Variants in PPP1R9A observed in about 807,000 individuals in gnomAD.
PPP1R9A encodes neurabin-1.
Under a neutral mutation model 141.9 loss-of-function variants are expected in PPP1R9A, and 59 were observed. The ratio of observed to expected loss-of-function variants is 0.42; its 90% CI spans 0.34 to 0.52. The LOEUF (loss-of-function observed/expected upper bound fraction) is 0.52. Ranked by LOEUF, PPP1R9A falls within the 20% of genes least tolerant of loss-of-function variation. The pLI is 0.10. For synonymous variants in PPP1R9A, 500 were observed against 569.7 expected, an observed-to-expected ratio of 0.88 and a Z score of 1.74; for missense variants, 1,444 against 1,611.9, an observed-to-expected ratio of 0.90 and a Z score of 1.78.
At chr7:95,153,107 C>T (rs1359334078) in intron 4 of PPP1R9A, among the ~76,000 whole-genome samples, 2 of 152,130 alleles carry the variant, frequency 1.3e-5, no homozygotes, top group Admixed American at 1.3e-4. Context: ...ACCTCAGCCT[C>T]CCAAAATGCT....
Position 95,290,971 on chromosome 7 carries a change from A to G in PPP1R9A, c.*668A>G, listed in dbSNP as rs1373041428. ...TATTTGTTAACCACTGAAAAAAGCAAAAGCCTTAAGAATGTGGATGTGGGT... is the reference window on the plus strand; with the variant it reads ...TATTTGTTAACCACTGAAAAAAGCAGAAGCCTTAAGAATGTGGATGTGGGT... On this transcript the variant is annotated 3_prime_UTR_variant, in exon 20 of 20. Transcript: ENST00000433360. 1 of 152,348 alleles carries G rather than the reference A, an allele frequency of 6.6e-6. No individual in the cohort carries two copies. The highest frequency in any genetic ancestry group is 2.4e-5 in the African/African-American group (1 of 41,460). The allele number at this position is 152,348 out of a possible 1,614,324, so 9.4% of individuals were successfully genotyped here.
intron 4 of PPP1R9A, among the ~76,000 whole-genome samples, chr7:95,147,404 A>C (rs916186014): frequency 3.9e-5 from 6 of 152,154 alleles, no homozygotes; most frequent in African/African-American, 1.4e-4. Flanking sequence ...GACTGAGATG[A>C]TGGGGTTTTC....
intron 12 of PPP1R9A, among the ~76,000 whole-genome samples, chr7:95,254,134 C>T (rs1799262904): frequency 1.3e-5 from 2 of 152,132 alleles, no homozygotes; most frequent in Non-Finnish European, 2.9e-5. Context: ...ACTGTTGGTT[C>T]ACAGTGAGAT....
At chr7:95,182,456 T>C (rs1202702299) in intron 5 of PPP1R9A, among the ~76,000 whole-genome samples, 1 of 152,260 alleles carries the variant, frequency 6.6e-6, no homozygotes, top group Admixed American at 6.5e-5. Flanking sequence ...GTTTCTTTTA[T>C]ATTTACTTAA....
chr7:95,090,164 CT>C (rs1479970471), intron 2 of PPP1R9A, among the ~76,000 whole-genome samples: 2 of 151,602 alleles, frequency 1.3e-5, no homozygotes, highest in Non-Finnish European at 2.9e-5. Context: ...CTCACTAATC[CT>C]TTTTTTGAGG....
At chr7:94,929,167 G>T (rs1419491539) in intron 2 of PPP1R9A, among the ~76,000 whole-genome samples, 1 of 152,138 alleles carries the variant, frequency 6.6e-6, no homozygotes, top group Non-Finnish European at 1.5e-5. Context: ...TTCTAAGAGA[G>T]CATCTTTTTG....
intron 12 of PPP1R9A, among the ~76,000 whole-genome samples, chr7:95,257,735 C>A (rs901019928): frequency 1.3e-5 from 2 of 151,916 alleles, no homozygotes; most frequent in African/African-American, 4.8e-5. Flanking sequence ...TCTCACTGTT[C>A]AATTCTCACC....
intron 12 of PPP1R9A, among the ~76,000 whole-genome samples, chr7:95,255,673 T>C (rs1209273544): frequency 6.6e-6 from 1 of 152,060 alleles, no homozygotes. Context: ...GACAAATAAA[T>C]AGAATTTAAG....
intron 10 of PPP1R9A, among the ~76,000 whole-genome samples, chr7:95,250,773 A>G (rs1798766854): frequency 6.6e-6 from 1 of 152,188 alleles, no homozygotes. Flanking sequence ...TGAGAGAATC[A>G]GGAGGGCCTC....
intron 2 of PPP1R9A, among the ~76,000 whole-genome samples, chr7:94,933,461 C>T (rs1794405708): frequency 6.6e-6 from 1 of 152,092 alleles, no homozygotes; most frequent in Non-Finnish European, 1.5e-5. Context: ...GAGGCATTCT[C>T]CTCCCTCTCT....
intron 5 of PPP1R9A, among the ~76,000 whole-genome samples, chr7:95,167,841 A>G (rs1831503051): frequency 6.6e-6 from 1 of 152,144 alleles, no homozygotes; most frequent in Non-Finnish European, 1.5e-5. Flanking sequence ...AAGTTTAACC[A>G]AGGAGATGAA....
intron 2 of PPP1R9A, among the ~76,000 whole-genome samples, chr7:95,077,326 TAA>T (rs1388680453): frequency 6.6e-6 from 1 of 152,202 alleles, no homozygotes; most frequent in Non-Finnish European, 1.5e-5. Flanking sequence ...CTGTGATTTT[TAA>T]AAATCAGTAG....
At chr7:95,148,016 A>G (rs937640285) in intron 4 of PPP1R9A, among the ~76,000 whole-genome samples, 2 of 152,172 alleles carry the variant, frequency 1.3e-5, no homozygotes, top group Non-Finnish European at 2.9e-5. Context: ...GAAAATGAAA[A>G]TAGATCATGT....
At chr7:95,079,615 A>T (rs1029794888) in intron 2 of PPP1R9A, among the ~76,000 whole-genome samples, 2 of 152,072 alleles carry the variant, frequency 1.3e-5, no homozygotes, top group African/African-American at 4.8e-5. Context: ...CTGATACCAA[A>T]GCCGGGCAGA....
At chr7:95,013,467 T>C (rs1804696781) in intron 2 of PPP1R9A, among the ~76,000 whole-genome samples, 1 of 152,134 alleles carries the variant, frequency 6.6e-6, no homozygotes, top group Non-Finnish European at 1.5e-5. Flanking sequence ...TGCATTAGTC[T>C]AGTACTAGCA....
intron 7 of PPP1R9A, among the ~76,000 whole-genome samples, chr7:95,225,586 A>C (rs1795027179): frequency 6.6e-6 from 1 of 152,084 alleles, no homozygotes; most frequent in Non-Finnish European, 1.5e-5. Flanking sequence ...TTCCCTTTTC[A>C]TTGCTCTCAG....
At chr7:95,264,036 C>T (rs1298879091) in intron 12 of PPP1R9A, among the ~76,000 whole-genome samples, 1 of 152,130 alleles carries the variant, frequency 6.6e-6, no homozygotes, top group Non-Finnish European at 1.5e-5. Flanking sequence ...ATGGGACAGC[C>T]GCTTGTTCTG....
chr7:95,145,888 T>G (rs1053070905), intron 4 of PPP1R9A, among the ~76,000 whole-genome samples: 1 of 152,242 alleles, frequency 6.6e-6, no homozygotes, highest in African/African-American at 2.4e-5. Context: ...ATTTTCTTTA[T>G]CCAGTCTATC....
chr7:94,950,221 A>G (rs1478762951), intron 2 of PPP1R9A, among the ~76,000 whole-genome samples: 48 of 152,108 alleles, frequency 3.2e-4, no homozygotes, highest in Admixed American at 3.1e-3. Flanking sequence ...AAATTTATAT[A>G]TAGTTTGGTA....
Sources: gnomAD v4.1 joint callset for allele counts (sites outside exome capture counted in the v4.1 genomes callset) on GRCh38, gnomAD v4.1.1 for gene constraint, MANE v1.5 for transcripts, NCBI Gene and HGNC (gene_info 2026-07-23, HGNC 2026-07-21) for gene names.